Variants in TCF7L1 observed in about 807,000 individuals in gnomAD.
TCF7L1 encodes the protein transcription factor 7-like 1.
TCF7L1 carries 18 observed loss-of-function variants against 63.7 expected under a neutral mutation model. The ratio of observed to expected loss-of-function variants is 0.28; its 90% CI spans 0.20 to 0.42. TCF7L1 has a LOEUF of 0.42. Ranked by LOEUF, TCF7L1 falls within the 10% of genes least tolerant of loss-of-function variation. TCF7L1 has a pLI of 1.00. For missense variants in TCF7L1, 654 were observed against 779.3 expected (o/e 0.84, Z 1.91); for synonymous variants, 355 against 340.9 (o/e 1.04, Z -0.46).
intron 4 of TCF7L1, among the ~76,000 whole-genome samples, chr2:85,285,768 C>T (rs1681531740): frequency 6.6e-6 from 1 of 152,234 alleles, no homozygotes; most frequent in South Asian, 2.1e-4. Context: ...CTGTGCCTTC[C>T]TCTACCTCTC....
Position 85,133,967 on chromosome 2 carries a change from C to A in TCF7L1, c.249+34C>A. The A allele has an allele frequency of 6.3e-7, 1 of 1,582,762 alleles. No homozygotes were observed. Among genetic ancestry groups the A allele is most frequent in the Non-Finnish European group, 8.6e-7 (1 of 1,163,720 alleles). On this transcript the variant is annotated intron_variant, in intron 1 of 11. Transcript: ENST00000282111. This position sits in a 1 kb window ranked among gnomAD's most constrained non-coding sequence, Gnocchi z 4.4. ...GCACCGCGGCCACCCCCGGGGGATC[C>A]CGGCCCTGCGTCCGCTCACCCGCTC...
intron 3 of TCF7L1, among the ~76,000 whole-genome samples, chr2:85,174,902 C>A (rs898680454): frequency 5.3e-5 from 8 of 152,212 alleles, no homozygotes; most frequent in Non-Finnish European, 7.3e-5. Context: ...TCATATTAGA[C>A]CAGCTCCTCA....
intron 3 of TCF7L1, among the ~76,000 whole-genome samples, chr2:85,164,739 T>C (rs1448265951): frequency 6.6e-6 from 1 of 152,228 alleles, no homozygotes; most frequent in Non-Finnish European, 1.5e-5. Flanking sequence ...CTGTCACCAG[T>C]AGCAATTGCA....
chr2:85,177,810 A>G (rs1471769953), intron 3 of TCF7L1, among the ~76,000 whole-genome samples: 1 of 152,198 alleles, frequency 6.6e-6, no homozygotes, highest in Non-Finnish European at 1.5e-5. Flanking sequence ...ATTCTGATGA[A>G]TTCATATTTT....
chr2:85,307,778 C>A, intron 11 of TCF7L1, 61 bp downstream of exon 11: 2 of 1,464,528 alleles, frequency 1.4e-6, no homozygotes, highest in South Asian at 2.3e-5. Flanking sequence ...CACACCTGCC[C>A]ATGCTGTCTC....
At chr2:85,296,373 G>A (rs1681840232) in intron 4 of TCF7L1, among the ~76,000 whole-genome samples, 1 of 152,156 alleles carries the variant, frequency 6.6e-6, no homozygotes, top group Non-Finnish European at 1.5e-5. Flanking sequence ...GATTCAGATT[G>A]TGCATTTTTG....
intron 3 of TCF7L1, among the ~76,000 whole-genome samples, chr2:85,273,837 C>T (rs1573020133): frequency 1.3e-5 from 2 of 152,040 alleles, no homozygotes; most frequent in South Asian, 2.1e-4. Context: ...CCTACTATGC[C>T]GGCGAATGGA....
At chr2:85,146,853 C>T (rs72838196) in intron 3 of TCF7L1, among the ~76,000 whole-genome samples, 4,163 of 152,194 alleles carry the variant, frequency 0.027, 86 homozygotes, top group Non-Finnish European at 0.036. Flanking sequence ...TAGTACCTGA[C>T]GTAGAATCAG....
Position 85,196,016 on chromosome 2 carries a change from A to AT in TCF7L1, c.441+61567dup, listed in dbSNP as rs373390395. The stretch of plus-strand genomic sequence containing the variant: ...GCTGGGATGGCTGTGGACTCAAACC[A>AT]TGGAGACCAGGCAGCAGCCCAGTCT... On this transcript the variant is annotated intron_variant, in intron 3 of 11. Transcript: ENST00000282111. Among the ~76,000 whole-genome samples, 135 of 152,268 alleles carry AT rather than the reference A, an allele frequency of 8.9e-4. No homozygotes were observed. In the Middle Eastern group the frequency reaches 0.02, roughly 23 times the overall value.
At chr2:85,185,371 C>T (rs546178741) in intron 3 of TCF7L1, among the ~76,000 whole-genome samples, 1 of 152,188 alleles carries the variant, frequency 6.6e-6, no homozygotes, top group South Asian at 2.1e-4. Context: ...GATCCCCCTG[C>T]CTCAGCCACC....
At chr2:85,287,971 CGTT>C (rs994512042) in intron 4 of TCF7L1, among the ~76,000 whole-genome samples, 3 of 152,106 alleles carry the variant, frequency 2.0e-5, no homozygotes, top group Admixed American at 6.5e-5. Context: ...TTCATAGAGT[CGTT>C]GTGCGAAAAT....
chr2:85,298,521 A>T (rs1424763100), intron 4 of TCF7L1, among the ~76,000 whole-genome samples: 2 of 150,882 alleles, frequency 1.3e-5, no homozygotes, highest in African/African-American at 4.9e-5. Flanking sequence ...GAGAGGACAC[A>T]TGGCTTCCTA....
intron 3 of TCF7L1, among the ~76,000 whole-genome samples, chr2:85,142,172 A>G (rs961774491): frequency 6.6e-6 from 1 of 152,064 alleles, no homozygotes; most frequent in African/African-American, 2.4e-5. Context: ...CATGCCTGTA[A>G]TCCCAACACT....
chr2:85,223,235 T>C (rs952844360), intron 3 of TCF7L1, among the ~76,000 whole-genome samples: 3 of 152,160 alleles, frequency 2.0e-5, no homozygotes, highest in African/African-American at 7.2e-5. Flanking sequence ...GTGTGTGCCA[T>C]CACGCCCTGC....
chr2:85,224,602 A>G (rs1474214540), intron 3 of TCF7L1, among the ~76,000 whole-genome samples: 1 of 152,198 alleles, frequency 6.6e-6, no homozygotes, highest in Non-Finnish European at 1.5e-5. Flanking sequence ...GTATCTGTTC[A>G]TATCCTTTGC....
chr2:85,250,089 A>C (rs72840016), intron 3 of TCF7L1, among the ~76,000 whole-genome samples: 8,001 of 152,276 alleles, frequency 0.053, 294 homozygotes, highest in Non-Finnish European at 0.078. Flanking sequence ...GAAGTGGGGA[A>C]ATGGGTTATA....
intron 3 of TCF7L1, among the ~76,000 whole-genome samples, chr2:85,204,528 G>T (rs1679351542): frequency 6.6e-6 from 1 of 152,144 alleles, no homozygotes; most frequent in Non-Finnish European, 1.5e-5. Flanking sequence ...TACTGGGTCT[G>T]ATAGTATTTG....
intron 3 of TCF7L1, among the ~76,000 whole-genome samples, chr2:85,211,643 A>G (rs1038203663): frequency 2.6e-5 from 4 of 152,226 alleles, no homozygotes; most frequent in African/African-American, 9.6e-5. Flanking sequence ...CATAGAAATC[A>G]TAATTCCAGG....
At chr2:85,253,006 A>G (rs1389248216) in intron 3 of TCF7L1, among the ~76,000 whole-genome samples, 1 of 152,176 alleles carries the variant, frequency 6.6e-6, no homozygotes, top group African/African-American at 2.4e-5. Flanking sequence ...ACTCCCAACC[A>G]AAGCATGTCA....
Sources: allele counts gnomAD v4.1 joint callset (sites outside exome capture counted in the v4.1 genomes callset), GRCh38; gene constraint gnomAD v4.1.1; non-coding constraint Gnocchi (gnomAD v3.1); transcripts MANE v1.5; gene names NCBI Gene and HGNC (gene_info 2026-07-23, HGNC 2026-07-21).